The following APOLD1 variants were observed in gnomAD, a reference collection of about 807,000 sequenced individuals.
The protein encoded by APOLD1 is apolipoprotein L domain-containing protein 1.
In APOLD1, 22 loss-of-function variants were observed where a neutral mutation model predicts 15.3. The observed-to-expected ratio is 1.44, with a 90% CI of 1.03 to 2.05. The LOEUF (loss-of-function observed/expected upper bound fraction) is 2.05, where lower values mean the gene tolerates loss of function less well. APOLD1 is among the 30% of genes most tolerant of loss of function. The pLI, the probability that APOLD1 is intolerant of heterozygous loss-of-function variation, is 0.00. For synonymous variants in APOLD1, 190 were observed against 167.4 expected, an observed-to-expected ratio of 1.13 and a Z score of -1.04; for missense variants, 394 against 353.5, an observed-to-expected ratio of 1.11 and a Z score of -0.92.
At chr12:12,786,753 C>CG in intron 1 of APOLD1, 156 bp from the exon 2 acceptor site, 2 of 985,408 alleles carry the variant, frequency 2.0e-6, no homozygotes, top group Non-Finnish European at 2.4e-6. Flanking sequence ...TTTGAGAACT[C>CG]GTCTCATGAT....
chr12:12,787,475 T>C lies in APOLD1; in HGVS notation c.570T>C (p.Val190=). The change falls in exon 2 of 2, where the codon GTT becomes GTC. Residue 190 remains valine, a synonymous_variant. Coordinates refer to ENST00000356591, the MANE Select transcript of APOLD1 (RefSeq NM_030817.3). This position sits in a 1 kb window ranked among gnomAD's most constrained non-coding sequence, Gnocchi z 4.9. ...IPRRAEGDTK[V]SQAVLKAKIQ... is the part of the protein sequence containing the mutation. ...GGCGGGCGGAGGGGGACACCAAGGT[T>C]AGCCAGGCCGTGCTGAAGGCCAAGA... 2 of 1,614,138 alleles carry C rather than the reference T, an allele frequency of 1.2e-6. No individual in the cohort carries two copies. The highest frequency in any genetic ancestry group is 2.2e-5 in the South Asian group (2 of 91,084).
intron 1 of APOLD1, among the ~76,000 whole-genome samples, chr12:12,754,228 G>GA (rs377332933): frequency 6.9e-6 from 1 of 144,960 alleles, no homozygotes; most frequent in Non-Finnish European, 1.5e-5. Context: ...AAGAAAAAAA[G>GA]AAAAAAACAT....
At chr12:12,749,438 A>AC (rs11417972) in intron 1 of APOLD1, among the ~76,000 whole-genome samples, 42,692 of 151,948 alleles carry the variant, frequency 0.28, 6,277 homozygotes, top group Middle Eastern at 0.38. Context: ...CCCTTTGCAA[A>AC]CCCCCACCTT....
chr12:12,767,391 G>A (rs1946950251), intron 1 of APOLD1, among the ~76,000 whole-genome samples: 1 of 152,158 alleles, frequency 6.6e-6, no homozygotes, highest in Admixed American at 6.5e-5. Context: ...GCCAGGTGCG[G>A]TGGCTCACAC....
chr12:12,782,663 C>A (rs1947090542), upstream of APOLD1, among the ~76,000 whole-genome samples: 1 of 152,080 alleles, frequency 6.6e-6, no homozygotes, highest in African/African-American at 2.4e-5. Flanking sequence ...TGAGACCCTG[C>A]CTCAACAAAA....
chr12:12,754,901 G>A (rs1297170155), intron 1 of APOLD1, among the ~76,000 whole-genome samples: 4 of 141,106 alleles, frequency 2.8e-5, no homozygotes, highest in Non-Finnish European at 4.5e-5. Context: ...AAAAAAATTA[G>A]CCAAGCATGG....
At chr12:12,738,135 C>G (rs757638212) in intron 1 of APOLD1, among the ~76,000 whole-genome samples, 3 of 150,854 alleles carry the variant, frequency 2.0e-5, no homozygotes, top group South Asian at 2.1e-4. Context: ...TGTTTTTACT[C>G]TGGAATATGC....
intron 1 of APOLD1, chr12:12,764,556 A>G (rs1012167347): frequency 2.8e-5 from 8 of 281,282 alleles, no homozygotes; most frequent in African/African-American, 4.6e-5. Context: ...GTGAAAACAG[A>G]TGGAGAAGGA....
chr12:12,776,003 C>CAAAAAAAAAAAAAA (rs34623976), intron 1 of APOLD1, among the ~76,000 whole-genome samples: 5 of 62,182 alleles, frequency 8.0e-5, no homozygotes, highest in African/African-American at 1.9e-4. Flanking sequence ...GACCCAGTCT[C>CAAAAAAAAAAAAAA]AAAAAAAAAA....
At chr12:12,737,924 C>G (rs1384935625) in intron 1 of APOLD1, among the ~76,000 whole-genome samples, 1 of 152,158 alleles carries the variant, frequency 6.6e-6, no homozygotes, top group Non-Finnish European at 1.5e-5. Context: ...CTTTTGTTGG[C>G]AACAACAATA....
upstream of APOLD1, among the ~76,000 whole-genome samples, chr12:12,781,605 G>A (rs1370947615): frequency 1.4e-5 from 2 of 144,852 alleles, no homozygotes; most frequent in Non-Finnish European, 3.0e-5. Flanking sequence ...TCTGCTCACT[G>A]CAAGCTCCAC....
At position 12,789,336 on chromosome 12, in the gene APOLD1, TC is replaced by T. The variant is rs1947163299; in HGVS notation, c.*1686del. The T allele has an allele frequency of 2.6e-5, 4 of 152,190 alleles. No homozygotes were observed. The highest frequency in any genetic ancestry group is 2.6e-4 in the Admixed American group (4 of 15,268). 9.4% of individuals were successfully genotyped at this position (152,190 alleles called of 1,614,324 possible). A position where few individuals can be genotyped will look rare whatever the true frequency, so the allele number is the denominator to read the frequency against. ...TCTTTTTCTCTAGTGTTTTAAGTGA[TC>T]CTTTGAAGTAAGTGTGGAGAGTCTT... On this transcript the variant is annotated 3_prime_UTR_variant, in exon 2 of 2. Coordinates refer to ENST00000356591, the MANE Select transcript of APOLD1 (RefSeq NM_030817.3).
upstream of APOLD1, among the ~76,000 whole-genome samples, chr12:12,782,718 T>G (rs1303311790): frequency 6.6e-6 from 1 of 152,162 alleles, no homozygotes; most frequent in East Asian, 1.9e-4. Flanking sequence ...AAGGCTAGTT[T>G]GAAGGCCAAC....
intron 1 of APOLD1, among the ~76,000 whole-genome samples, chr12:12,777,181 T>C (rs1947042287): frequency 6.6e-6 from 1 of 152,162 alleles, no homozygotes; most frequent in African/African-American, 2.4e-5. Context: ...GTCAAGTTCT[T>C]TTACCATCTC....
chr12:12,751,585 G>A (rs566784943), intron 1 of APOLD1, among the ~76,000 whole-genome samples: 61 of 151,752 alleles, frequency 4.0e-4, no homozygotes, highest in African/African-American at 3.1e-4. Context: ...TCCTGGCCTC[G>A]AATGATCCAC....
chr12:12,769,359 A>C (rs1432704933), intron 1 of APOLD1, among the ~76,000 whole-genome samples: 1 of 152,220 alleles, frequency 6.6e-6, no homozygotes, highest in Non-Finnish European at 1.5e-5. Flanking sequence ...CAAATTGGAA[A>C]CACAGGTGAA....
chr12:12,771,717 AACAG>A, intron 1 of APOLD1: 1 of 350,796 alleles, frequency 2.9e-6, no homozygotes, highest in Non-Finnish European at 5.6e-6. Flanking sequence ...CCTAACAGAT[AACAG>A]TTTGTTCAAA....
chr12:12,782,439 G>A (rs1229803720), upstream of APOLD1, among the ~76,000 whole-genome samples: 3 of 152,092 alleles, frequency 2.0e-5, no homozygotes, highest in Admixed American at 6.5e-5. Context: ...GCTCTTTCTC[G>A]TCCTTCCTAC....
chr12:12,765,748 T>C (rs1946939129), intron 1 of APOLD1, among the ~76,000 whole-genome samples: 1 of 152,148 alleles, frequency 6.6e-6, no homozygotes, highest in Non-Finnish European at 1.5e-5. Context: ...CACAAACCTA[T>C]AGTCCCAGCT....
Sources: gnomAD v4.1 joint callset for allele counts (sites outside exome capture counted in the v4.1 genomes callset) on GRCh38, gnomAD v4.1.1 for gene constraint, Gnocchi (gnomAD v3.1) non-coding constraint, MANE v1.5 for transcripts, NCBI Gene and HGNC (gene_info 2026-07-23, HGNC 2026-07-21) for gene names.